Variants in TMC7 observed in about 807,000 individuals in gnomAD.
TMC7 encodes transmembrane channel-like protein 7.
A neutral mutation model predicts 82.9 loss-of-function variants in TMC7; 54 were observed. That is an observed-to-expected ratio of 0.65 (90% CI 0.52 to 0.82). The LOEUF (loss-of-function observed/expected upper bound fraction) is 0.82. TMC7 is among the 40% of genes least tolerant of loss of function. The pLI, the probability that TMC7 is intolerant of heterozygous loss-of-function variation, is 0.00. For synonymous variants in TMC7, 350 were observed against 337.9 expected (o/e 1.04, Z -0.39); for missense variants, 820 against 901.2 (o/e 0.91, Z 1.15).
intron 6 of TMC7, among the ~76,000 whole-genome samples, chr16:19,032,000 A>G (rs1195191163): frequency 6.6e-6 from 1 of 152,200 alleles, no homozygotes; most frequent in Non-Finnish European, 1.5e-5. Flanking sequence ...CTGGCTGGGC[A>G]GCTATTTACC....
chr16:18,993,689 G>A (rs1481280576), intron 1 of TMC7, among the ~76,000 whole-genome samples: 6 of 152,144 alleles, frequency 3.9e-5, no homozygotes, highest in Non-Finnish European at 5.9e-5. Context: ...TATTAGAGAG[G>A]CATTAATGAT....
chr16:19,027,267 A>C (rs935825238), intron 5 of TMC7, among the ~76,000 whole-genome samples: 3 of 151,284 alleles, frequency 2.0e-5, no homozygotes, highest in African/African-American at 7.3e-5. Context: ...GGGTTTCATC[A>C]TGTTGGCCAG....
intron 13 of TMC7, among the ~76,000 whole-genome samples, chr16:19,055,187 C>T (rs143486337): frequency 3.7e-4 from 56 of 152,194 alleles, no homozygotes; most frequent in African/African-American, 1.3e-3. Context: ...TTGAAATTAA[C>T]TTATAGACAT....
chr16:19,043,234 T>G (rs1173482375), intron 9 of TMC7, among the ~76,000 whole-genome samples: 1 of 152,180 alleles, frequency 6.6e-6, no homozygotes, highest in Non-Finnish European at 1.5e-5. Context: ...ATGTGATATC[T>G]CTGCAGCATA....
intron 11 of TMC7, among the ~76,000 whole-genome samples, 153 bp downstream of exon 11, chr16:19,045,591 C>CTT (rs58444252): frequency 2.6e-5 from 2 of 77,758 alleles, no homozygotes; most frequent in African/African-American, 9.9e-5. Context: ...TGGTAACTTT[C>CTT]TTTTTTTTTT....
chr16:19,029,256 C>T (rs1473560194), intron 5 of TMC7, among the ~76,000 whole-genome samples: 52 of 152,002 alleles, frequency 3.4e-4, no homozygotes, highest in South Asian at 8.3e-4. Flanking sequence ...CTATCCGCCT[C>T]GGCCTCCCAA....
chr16:18,994,940 C>CA (rs1269447623), intron 1 of TMC7, among the ~76,000 whole-genome samples: 1 of 151,926 alleles, frequency 6.6e-6, no homozygotes, highest in African/African-American at 2.4e-5. Context: ...GTGCATGATC[C>CA]GTTGCCAAGG....
intron 1 of TMC7, among the ~76,000 whole-genome samples, chr16:19,002,233 G>C (rs903507502): frequency 6.9e-6 from 1 of 144,150 alleles, no homozygotes; most frequent in African/African-American, 2.6e-5. Flanking sequence ...ATGGAGGGCC[G>C]CTTTTTTTTT....
chr16:19,028,964 C>CT (rs1037533965), intron 5 of TMC7, among the ~76,000 whole-genome samples: 18 of 132,848 alleles, frequency 1.4e-4, no homozygotes, highest in Admixed American at 4.6e-4. Flanking sequence ...GAGATTTGCA[C>CT]TTTTTAAAAA....
intron 4 of TMC7, among the ~76,000 whole-genome samples, chr16:19,022,381 A>G (rs1596753916): frequency 6.6e-6 from 1 of 152,248 alleles, no homozygotes; most frequent in East Asian, 1.9e-4. Context: ...CCCCATGTCA[A>G]TGTTTCAATT....
At chr16:19,011,432 G>A (rs763754366) in intron 2 of TMC7, among the ~76,000 whole-genome samples, 3 of 151,810 alleles carry the variant, frequency 2.0e-5, no homozygotes, top group Non-Finnish European at 4.4e-5. Flanking sequence ...AACTTGAGAG[G>A]CTGACGCAGG....
intron 14 of TMC7, 84 bp downstream of exon 14, chr16:19,056,781 G>C (rs938051016): frequency 6.9e-7 from 1 of 1,455,294 alleles, no homozygotes; most frequent in African/African-American, 1.4e-5. Flanking sequence ...GGTCACCCTA[G>C]ACTTGACAAG....
At chr16:19,028,551 G>A (rs915014268) in intron 5 of TMC7, among the ~76,000 whole-genome samples, 2 of 152,048 alleles carry the variant, frequency 1.3e-5, no homozygotes, top group African/African-American at 4.8e-5. Flanking sequence ...ATTCTAACAA[G>A]GATGATGTTG....
At chr16:19,059,644 T>A (rs1458349182) in intron 15 of TMC7, 150 bp downstream of exon 15, 2 of 1,555,208 alleles carry the variant, frequency 1.3e-6, no homozygotes, top group Non-Finnish European at 8.7e-7. Context: ...CCCAGCCGCG[T>A]CCAGCTTCAT....
At chr16:19,060,259 C>T (rs1261973541) in intron 15 of TMC7, among the ~76,000 whole-genome samples, 1 of 151,898 alleles carries the variant, frequency 6.6e-6, no homozygotes, top group African/African-American at 2.4e-5. Flanking sequence ...GGCTGGAGTG[C>T]GATTGTGTGG....
rs1248076388 is a variant in TMC7 at position 19,016,490 on chromosome 16, GA to G, written c.353del (p.Asp118AlafsTer15). On this transcript the variant is annotated frameshift_variant, in exon 3 of 16. Transcript: ENST00000304381. LOFTEE classifies it high-confidence loss of function. ...ETQMKYLSEW[D>X]QWKRYSSKSW... ...ACAAATGAAGTATCTCTCCGAATGGGACCAGTGGAAGCGGTATAGCAGCAAG... is the reference window on the plus strand; with the variant it reads ...ACAAATGAAGTATCTCTCCGAATGGGCCAGTGGAAGCGGTATAGCAGCAAG... The G allele has an allele frequency of 6.2e-7, 1 of 1,614,170 alleles. No individual in the cohort carries two copies. Among genetic ancestry groups the G allele is most frequent in the East Asian group, 2.2e-5 (1 of 44,884 alleles).
At chr16:19,035,946 G>A (rs1960727585) in intron 7 of TMC7, 123 bp downstream of exon 7, 3 of 1,112,188 alleles carry the variant, frequency 2.7e-6, no homozygotes, top group South Asian at 3.3e-5. Context: ...TACTTAGCAA[G>A]TTACCCCTCT....
intron 15 of TMC7, chr16:19,059,701 T>G: frequency 6.5e-7 from 1 of 1,528,054 alleles, no homozygotes; most frequent in Non-Finnish European, 8.8e-7. Context: ...TTAAGGGGGA[T>G]GTGGTGGCTC....
intron 2 of TMC7, among the ~76,000 whole-genome samples, chr16:19,013,870 T>C (rs1189960032): frequency 9.5e-5 from 14 of 147,638 alleles, no homozygotes; most frequent in South Asian, 6.6e-4. Flanking sequence ...TTTTTTTTTT[T>C]TGAGATGGGG....
Sources: gnomAD v4.1 joint callset for allele counts (sites outside exome capture counted in the v4.1 genomes callset) on GRCh38, gnomAD v4.1.1 for gene constraint, MANE v1.5 for transcripts, NCBI Gene and HGNC (gene_info 2026-07-23, HGNC 2026-07-21) for gene names.